ACSL3: variants seen among roughly 807,000 people sequenced by gnomAD.
The protein encoded by ACSL3 is acyl-CoA synthetase long chain family member 3, also known as fatty acid CoA ligase Acsl3.
Under a neutral mutation model 84.7 loss-of-function variants are expected in ACSL3, and 34 were observed. The ratio of observed to expected loss-of-function variants is 0.40; its 90% confidence interval spans 0.31 to 0.53. The LOEUF is 0.53. Ranked by LOEUF, ACSL3 falls within the 20% of genes least tolerant of loss-of-function variation. The pLI is 0.48. For missense variants in ACSL3, 680 were observed against 873.1 expected (o/e 0.78, Z 2.79); for synonymous variants, 315 against 299.4 (o/e 1.05, Z -0.54).
At chr2:222,932,371 C>G (rs930932178) in intron 14 of ACSL3, among the ~76,000 whole-genome samples, 1 of 152,160 alleles carries the variant, frequency 6.6e-6, no homozygotes, top group Non-Finnish European at 1.5e-5. Flanking sequence ...CTCTGTCGCC[C>G]AGGCTGGAGT....
intron 3 of ACSL3, among the ~76,000 whole-genome samples, chr2:222,908,122 TG>T (rs1696343761): frequency 6.6e-6 from 1 of 152,234 alleles, no homozygotes; most frequent in African/African-American, 2.4e-5. Flanking sequence ...TCTAACATAG[TG>T]GATTTTCAAT....
At chr2:222,920,747 C>T (rs1419435969) in intron 7 of ACSL3, among the ~76,000 whole-genome samples, 6 of 152,150 alleles carry the variant, frequency 3.9e-5, no homozygotes, top group Admixed American at 3.9e-4. Flanking sequence ...TTCCCGTGGC[C>T]TTTGAGGTCC....
At chr2:222,920,913 A>T (rs940074766) in intron 7 of ACSL3, 1 of 466,118 alleles carries the variant, frequency 2.1e-6, no homozygotes, top group Non-Finnish European at 4.4e-6. Context: ...TAATTAGAAC[A>T]CTCTTCTCCC....
chr2:222,915,256 A>C (rs1379117654), intron 4 of ACSL3, among the ~76,000 whole-genome samples: 1 of 152,226 alleles, frequency 6.6e-6, no homozygotes, highest in African/African-American at 2.4e-5. Flanking sequence ...GTTTGGGACC[A>C]GTAAAGTAAA....
intron 12 of ACSL3, among the ~76,000 whole-genome samples, chr2:222,927,778 A>G (rs763193652): frequency 1.3e-5 from 2 of 152,244 alleles, no homozygotes; most frequent in African/African-American, 2.4e-5. Flanking sequence ...TACAGGATAC[A>G]GCTGTGCTTC....
At chr2:222,933,538 C>T (rs1268251265) in intron 15 of ACSL3, 7 of 287,448 alleles carry the variant, frequency 2.4e-5, no homozygotes, top group Non-Finnish European at 3.2e-5. Flanking sequence ...AAAATAAAAC[C>T]TTCCTTCCTG....
chr2:222,918,063 A>T lies in ACSL3; in HGVS notation c.574A>T (p.Thr192Ser), dbSNP rs1007517794. The T allele has an allele frequency of 6.2e-7, 1 of 1,611,366 alleles. No individual in the cohort carries two copies. The highest frequency in any genetic ancestry group is 8.5e-7 in the Non-Finnish European group (1 of 1,178,428). The stretch of plus-strand genomic sequence containing the variant: ...CCTTTTAGTTGTTACATTATATGCC[A>T]CTCTAGGAGGTCCAGCCATTGTTCA... ...YNFQLVTLYATLGGPAIVHAL... is the reference protein window; with the variant it reads ...YNFQLVTLYASLGGPAIVHAL... Residue 192 changes from threonine (T) to serine (S), a missense_variant, in exon 6 of 17, where the codon ACT (threonine) becomes TCT (serine). Physicochemically the swap from Thr to Ser is moderately conservative, Grantham distance 58. Coordinates refer to ENST00000357430, the MANE Select transcript of ACSL3 (RefSeq NM_004457.5).
At chr2:222,937,294 C>T (rs1286747428) in intron 16 of ACSL3, among the ~76,000 whole-genome samples, 2 of 152,006 alleles carry the variant, frequency 1.3e-5, no homozygotes. Flanking sequence ...TGCAACTTTG[C>T]TGGAATCTTT....
chr2:222,924,844 A>T (rs1249882893), intron 11 of ACSL3, among the ~76,000 whole-genome samples: 1 of 151,864 alleles, frequency 6.6e-6, no homozygotes, highest in Non-Finnish European at 1.5e-5. Context: ...TAACACAGTG[A>T]AACCCCGTCT....
chr2:222,889,401 G>A (rs764383960), intron 2 of ACSL3, among the ~76,000 whole-genome samples: 1 of 152,304 alleles, frequency 6.6e-6, no homozygotes, highest in South Asian at 2.1e-4. Flanking sequence ...TTAACTGTGC[G>A]ATGAAGTAAA....
Position 222,921,429 on chromosome 2 carries a change from G to C in ACSL3, c.955G>C (p.Gly319Arg). The change falls in exon 8 of 17, where the codon GGA (glycine) becomes CGA (arginine). Residue 319 changes from glycine (G) to arginine (R), a missense_variant and splice_region_variant. This residue lies in a region of ACSL3 where 347 missense variants were observed against 525.7 expected (regional missense o/e 0.66). Transcript: ENST00000357430. ...TGMAERIPEL[G>R]EEDVYIGYLP... ...GATGGCAGAAAGGATTCCAGAACTA[G>C]GGTATGTCATAGTAAAGTAACATTG... The C allele has an allele frequency of 6.3e-7, 1 of 1,579,474 alleles. No homozygotes were observed. Among genetic ancestry groups the C allele is most frequent in the South Asian group, 1.1e-5 (1 of 88,378 alleles).
At chr2:222,861,459 G>A (rs989557340) in intron 1 of ACSL3, 1 of 152,164 alleles carries the variant, frequency 6.6e-6, no homozygotes, top group African/African-American at 2.4e-5. Flanking sequence ...CGGCCCGCTG[G>A]GGTCCGGGAA....
At chr2:222,939,464 T>TA (rs1306144225) in intron 16 of ACSL3, among the ~76,000 whole-genome samples, 4 of 152,192 alleles carry the variant, frequency 2.6e-5, no homozygotes, top group Non-Finnish European at 5.9e-5. Flanking sequence ...CTCTACCTAG[T>TA]GTCTGTGATA....
intron 2 of ACSL3, among the ~76,000 whole-genome samples, chr2:222,894,936 G>GGT (rs1197102969): frequency 1.3e-5 from 2 of 150,718 alleles, no homozygotes; most frequent in Non-Finnish European, 2.9e-5. Flanking sequence ...ATGTCTCCCA[G>GGT]GTGTGTGTGT....
chr2:222,911,887 G>T (rs1696448793), intron 4 of ACSL3, among the ~76,000 whole-genome samples: 1 of 152,210 alleles, frequency 6.6e-6, no homozygotes, highest in African/African-American at 2.4e-5. Flanking sequence ...ACTCATAAAA[G>T]TTAGGTGAGA....
At chr2:222,886,470 T>C (rs1372651847) in intron 1 of ACSL3, among the ~76,000 whole-genome samples, 1 of 152,216 alleles carries the variant, frequency 6.6e-6, no homozygotes, top group Non-Finnish European at 1.5e-5. Flanking sequence ...AATTAAAAGT[T>C]AATGAAGCAG....
chr2:222,914,234 C>CGTGT (rs57546680), intron 4 of ACSL3, among the ~76,000 whole-genome samples: 2,574 of 140,242 alleles, frequency 0.018, 58 homozygotes, highest in African/African-American at 0.055. Context: ...TGTGTGTGTA[C>CGTGT]GTGTGTGTGT....
intron 4 of ACSL3, among the ~76,000 whole-genome samples, chr2:222,914,453 G>A (rs1270654320): frequency 1.3e-5 from 2 of 151,970 alleles, no homozygotes; most frequent in Non-Finnish European, 2.9e-5. Flanking sequence ...TTAGACATGG[G>A]GTCTTGCTGT....
rs2165232 is a variant in ACSL3, at chr2:222,918,164, T to C, written c.666+9T>C. On this transcript the variant is annotated intron_variant, in intron 6 of 16. Transcript: ENST00000357430. ...TACAAACAAAGTTGAAGGTGAGGAC[T>C]CTAGTTACTTTCTAACTGTCTGATA... 5 of 1,562,354 alleles carry C rather than the reference T, an allele frequency of 3.2e-6. No individual in the cohort carries two copies. The African/African-American group carries it at 4.1e-5, about 13-fold the overall frequency.
Sources: gnomAD v4.1 joint callset for allele counts (sites outside exome capture counted in the v4.1 genomes callset) on GRCh38, gnomAD v4.1.1 for gene constraint, gnomAD v4.1.1 regional missense constraint, MANE v1.5 for transcripts, NCBI Gene and HGNC (gene_info 2026-07-23, HGNC 2026-07-21) for gene names.